NUSAP1: variants seen among roughly 807,000 people sequenced by gnomAD.
NUSAP1 encodes the protein nucleolar and spindle-associated protein 1.
A neutral mutation model predicts 52.8 loss-of-function variants in NUSAP1; 32 were observed. The ratio of observed to expected loss-of-function variants is 0.61; its 90% CI spans 0.46 to 0.81. The LOEUF (loss-of-function observed/expected upper bound fraction) is 0.81. Among genes scored for constraint, NUSAP1 ranks in the 40% least tolerant of loss-of-function variants. The pLI, the probability that NUSAP1 is intolerant of heterozygous loss-of-function variation, is 0.00. For missense variants in NUSAP1, 499 were observed against 522.3 expected (o/e 0.96, Z 0.43); for synonymous variants, 195 against 183.1 (o/e 1.06, Z -0.52).
chr15:41,338,014 C>T, intron 1 of NUSAP1, among the ~76,000 whole-genome samples: 1 of 147,840 alleles, frequency 6.8e-6, no homozygotes, highest in East Asian at 2.0e-4. Flanking sequence ...CTCACTGCAA[C>T]CTCCACTTCC....
At chr15:41,376,490 A>G (rs966090865) in intron 9 of NUSAP1, among the ~76,000 whole-genome samples, 1 of 150,654 alleles carries the variant, frequency 6.6e-6, no homozygotes, top group African/African-American at 2.4e-5. Flanking sequence ...GATCGAGACC[A>G]TCCTGGCTAA....
chr15:41,376,560 G>A (rs193016480), intron 9 of NUSAP1, among the ~76,000 whole-genome samples: 24 of 148,924 alleles, frequency 1.6e-4, no homozygotes, highest in African/African-American at 4.5e-4. Flanking sequence ...GCATGGTGGC[G>A]GGCGCCTGTA....
intron 8 of NUSAP1, among the ~76,000 whole-genome samples, chr15:41,372,577 C>T (rs1312531699): frequency 6.6e-6 from 1 of 152,184 alleles, no homozygotes; most frequent in Non-Finnish European, 1.5e-5. Flanking sequence ...CAGACATTTA[C>T]TGTCCTGAAT....
At chr15:41,374,592 A>C (rs2049842457) in intron 8 of NUSAP1, among the ~76,000 whole-genome samples, 2 of 151,972 alleles carry the variant, frequency 1.3e-5, no homozygotes, top group South Asian at 4.2e-4. Context: ...CTGTGGTGCA[A>C]TCTCGGCTCG....
At chr15:41,373,104 G>T (rs1317924340) in intron 8 of NUSAP1, among the ~76,000 whole-genome samples, 1 of 151,630 alleles carries the variant, frequency 6.6e-6, no homozygotes, top group East Asian at 1.9e-4. Flanking sequence ...AAAAAAAAGA[G>T]ATTGGGAGAG....
At chr15:41,372,797 G>T (rs1283743582) in intron 8 of NUSAP1, among the ~76,000 whole-genome samples, 1 of 152,042 alleles carries the variant, frequency 6.6e-6, no homozygotes, top group African/African-American at 2.4e-5. Flanking sequence ...CCTATGAAAA[G>T]AAAGGATTGG....
At chr15:41,371,297 G>A (rs1205714960) in intron 7 of NUSAP1, among the ~76,000 whole-genome samples, 1 of 152,156 alleles carries the variant, frequency 6.6e-6, no homozygotes, top group African/African-American at 2.4e-5. Flanking sequence ...GGCAGGGAGA[G>A]CAGAAAAGAC....
chr15:41,346,661 T>C (rs974995878), intron 2 of NUSAP1, among the ~76,000 whole-genome samples: 2 of 151,076 alleles, frequency 1.3e-5, no homozygotes, highest in African/African-American at 4.9e-5. Context: ...ACCCCATCTT[T>C]ACTAAAAATA....
chr15:41,378,943 G>GGTTTTTTTTTTT (rs2050089584), intron 10 of NUSAP1, among the ~76,000 whole-genome samples: 1 of 62,824 alleles, frequency 1.6e-5, no homozygotes. Flanking sequence ...AACTTATCTT[G>GGTTTTTTTTTTT]GTTTTTTTTT....
chr15:41,365,534 G>A lies in NUSAP1; in HGVS notation c.793G>A (p.Gly265Ser). The change falls in exon 7 of 11, where the codon GGT (glycine) becomes AGT (serine). Residue 265 changes from glycine (G) to serine (S), a missense_variant. Coordinates refer to ENST00000559596, the MANE Select transcript of NUSAP1 (RefSeq NM_016359.5). ...SCGPASQSTL[G>S]LKGSLKRSAI... ...TGGCCCTGCAAGTCAGAGTACCTTGGGTCTGAAGGGGTCACTCAAGCGCTC... is the reference window on the plus strand; with the variant it reads ...TGGCCCTGCAAGTCAGAGTACCTTGAGTCTGAAGGGGTCACTCAAGCGCTC... 1 of 1,612,632 alleles carries A rather than the reference G, an allele frequency of 6.2e-7. No individual in the cohort carries two copies. The highest frequency in any genetic ancestry group is 8.5e-7 in the Non-Finnish European group (1 of 1,179,400).
At chr15:41,373,402 ACAC>A (rs1287456202) in intron 8 of NUSAP1, among the ~76,000 whole-genome samples, 1 of 150,590 alleles carries the variant, frequency 6.6e-6, no homozygotes, top group African/African-American at 2.4e-5. Context: ...AAAAAAAACT[ACAC>A]CATCCTGGAT....
intron 2 of NUSAP1, among the ~76,000 whole-genome samples, chr15:41,347,116 G>T (rs1006149387): frequency 6.6e-6 from 1 of 152,068 alleles, no homozygotes; most frequent in African/African-American, 2.4e-5. Context: ...AGATTGCAGT[G>T]AGCCGAGATT....
intron 5 of NUSAP1, among the ~76,000 whole-genome samples, 161 bp downstream of exon 5, chr15:41,356,301 C>T (rs986170607): frequency 6.6e-5 from 10 of 151,802 alleles, no homozygotes; most frequent in Non-Finnish European, 1.3e-4. Context: ...CCTCAATAAA[C>T]TCACTTCCTC....
intron 10 of NUSAP1, 71 bp from the exon 11 acceptor site, chr15:41,380,022 C>A: frequency 1.8e-6 from 2 of 1,130,786 alleles, no homozygotes; most frequent in Non-Finnish European, 2.6e-6. Context: ...GGTGTTAGTC[C>A]AACAATAGTT....
intron 7 of NUSAP1, among the ~76,000 whole-genome samples, chr15:41,367,158 A>G (rs899211187): frequency 6.6e-6 from 1 of 152,212 alleles, no homozygotes; most frequent in Non-Finnish European, 1.5e-5. Flanking sequence ...GGCTGCTTAC[A>G]ACGCTGCCTC....
intron 6 of NUSAP1, among the ~76,000 whole-genome samples, chr15:41,363,932 G>T (rs2049285811): frequency 6.6e-6 from 1 of 151,948 alleles, no homozygotes; most frequent in African/African-American, 2.4e-5. Flanking sequence ...AAAAGCTATT[G>T]TTTGGGGATA....
intron 10 of NUSAP1, among the ~76,000 whole-genome samples, chr15:41,378,944 G>GTTTTTTTTTTTTTTTTTTTTTTTTT (rs1187469450): frequency 4.7e-5 from 3 of 63,262 alleles, no homozygotes; most frequent in Non-Finnish European, 8.2e-5. Flanking sequence ...ACTTATCTTG[G>GTTTTTTTTTTTTTTTTTTTTTTTTT]TTTTTTTTTT....
Position 41,347,120 on chromosome 15 carries a change from C to T in NUSAP1, c.163-1978C>T, listed in dbSNP as rs1016579305. On this transcript the variant is annotated intron_variant, in intron 2 of 10. Coordinates refer to ENST00000559596, the MANE Select transcript of NUSAP1 (RefSeq NM_016359.5). Reference sequence around the variant, plus strand: ...CTGGGAGGCGGAGATTGCAGTGAGCCGAGATTATAGCACTGCACTCCAGCC... The same window carrying T: ...CTGGGAGGCGGAGATTGCAGTGAGCTGAGATTATAGCACTGCACTCCAGCC... Among the ~76,000 whole-genome samples, 5 of 152,076 alleles carry T rather than the reference C, an allele frequency of 3.3e-5. No homozygotes were observed. In the East Asian group the frequency reaches 7.7e-4, roughly 24 times the overall value.
At chr15:41,341,254 C>T (rs1166452992) in intron 1 of NUSAP1, among the ~76,000 whole-genome samples, 3 of 151,944 alleles carry the variant, frequency 2.0e-5, no homozygotes, top group East Asian at 1.9e-4. Context: ...TTATTAGAGA[C>T]GGGGTTTCAC....
Sources: gnomAD v4.1 joint callset for allele counts (sites outside exome capture counted in the v4.1 genomes callset) on GRCh38, gnomAD v4.1.1 for gene constraint, MANE v1.5 for transcripts, NCBI Gene and HGNC (gene_info 2026-07-23, HGNC 2026-07-21) for gene names.